ERBIN: variants seen among roughly 807,000 people sequenced by gnomAD.
The protein encoded by ERBIN is densin-180-like protein.
ERBIN carries 60 observed loss-of-function variants against 158.4 expected under a neutral mutation model. The ratio of observed to expected loss-of-function variants is 0.38; its 90% CI spans 0.31 to 0.47. The LOEUF (loss-of-function observed/expected upper bound fraction) is 0.47. ERBIN is among the 20% of genes least tolerant of loss of function. ERBIN has a pLI of 0.99. For synonymous variants in ERBIN, 594 were observed against 557.2 expected (o/e 1.07, Z -0.93); for missense variants, 1,610 against 1,648.0 (o/e 0.98, Z 0.40).
At chr5:65,955,989 TCA>T (rs1491222212) in intron 1 of ERBIN, among the ~76,000 whole-genome samples, 2 of 152,222 alleles carry the variant, frequency 1.3e-5, no homozygotes, top group Non-Finnish European at 2.9e-5. Flanking sequence ...AGTAGCTGTC[TCA>T]GTTATTAGAG....
At chr5:66,043,010 G>T in intron 15 of ERBIN, 67 bp from the exon 16 acceptor site, 2 of 1,214,154 alleles carry the variant, frequency 1.6e-6, no homozygotes, top group Non-Finnish European at 2.4e-6. Context: ...CAGAAATTAT[G>T]AGCAAGTGAT....
chr5:65,968,789 G>C (rs1748940077), intron 1 of ERBIN, among the ~76,000 whole-genome samples: 1 of 152,140 alleles, frequency 6.6e-6, no homozygotes, highest in Non-Finnish European at 1.5e-5. Flanking sequence ...CAAAACTCCA[G>C]ACCTCAGGTG....
At chr5:66,018,199 A>G (rs931260213) in intron 7 of ERBIN, among the ~76,000 whole-genome samples, 2 of 151,008 alleles carry the variant, frequency 1.3e-5, no homozygotes, top group East Asian at 3.9e-4. Flanking sequence ...GATTTTAAAA[A>G]TATTTCTGTT....
chr5:65,953,828 A>G (rs1243585954), intron 1 of ERBIN, among the ~76,000 whole-genome samples: 1 of 152,160 alleles, frequency 6.6e-6, no homozygotes, highest in Non-Finnish European at 1.5e-5. Flanking sequence ...CACATCTCAT[A>G]TTGCATATAA....
chr5:65,937,055 GACTT>G (rs1286330257), intron 1 of ERBIN, among the ~76,000 whole-genome samples: 1 of 152,122 alleles, frequency 6.6e-6, no homozygotes, highest in Non-Finnish European at 1.5e-5. Flanking sequence ...TTAAATCCAC[GACTT>G]ACTAATTATG....
chr5:66,040,844 TA>T lies in ERBIN; in HGVS notation c.1307-2222del, dbSNP rs113407985. 1.0e-2 allele frequency among the ~76,000 whole-genome samples: 1,161 copies of T among 116,460 alleles called. 4 individuals are homozygous for T. Among genetic ancestry groups the T allele is most frequent in the Non-Finnish European group, 0.017 (816 of 48,512 alleles). The allele number at this position is 116,460 out of a possible 152,430, so 76.4% of individuals were successfully genotyped here. On this transcript the variant is annotated intron_variant, in intron 15 of 25. Transcript: ENST00000284037. Reference sequence around the variant, plus strand: ...TTCAAGATTCTGAAGGTGGGAAGATTAAAAAAAAAAAGAGGAAAAAAAGAAA... The same window carrying T: ...TTCAAGATTCTGAAGGTGGGAAGATTAAAAAAAAAAGAGGAAAAAAAGAAA...
chr5:66,033,382 C>G (rs190979873), intron 14 of ERBIN, among the ~76,000 whole-genome samples: 25 of 152,172 alleles, frequency 1.6e-4, no homozygotes, highest in Middle Eastern at 3.4e-3. Flanking sequence ...GGAACCCCAA[C>G]ATTTAAATGG....
intron 4 of ERBIN, among the ~76,000 whole-genome samples, chr5:66,001,953 A>G (rs1230399561): frequency 1.3e-5 from 2 of 151,964 alleles, no homozygotes; most frequent in African/African-American, 4.8e-5. Context: ...TCCTAATGCT[A>G]TCCCTCCACT....
At chr5:66,065,329 A>T (rs1760864725) in intron 21 of ERBIN, among the ~76,000 whole-genome samples, 1 of 150,310 alleles carries the variant, frequency 6.7e-6, no homozygotes, top group Non-Finnish European at 1.5e-5. Context: ...TATTTCAAAG[A>T]GCAGCCCATT....
chr5:66,075,862 G>T (rs1271554181), intron 23 of ERBIN, among the ~76,000 whole-genome samples: 3 of 151,900 alleles, frequency 2.0e-5, no homozygotes, highest in African/African-American at 7.3e-5. Context: ...AAACAGATTT[G>T]ATAAATAAAG....
In ERBIN at chr5:66,053,839, A is replaced by G. The variant is rs1353309271; in HGVS notation, c.2521A>G (p.Ser841Gly). Reference sequence around the variant, plus strand: ...TCCTAATAGGACTGAACCACATGACAGTGATTGTTCTGTTGACTTAGGTAT... The same window carrying G: ...TCCTAATAGGACTGAACCACATGACGGTGATTGTTCTGTTGACTTAGGTAT... The part of the protein sequence containing the change: ...QSPNRTEPHD[S>G]DCSVDLGISK... The change falls in exon 21 of 26, where the codon AGT becomes GGT. Residue 841 changes from serine to glycine, a missense_variant. Transcript: ENST00000284037. The G allele has an allele frequency of 4.3e-6, 7 of 1,614,018 alleles. No individual in the cohort carries two copies. The African/African-American group carries it at 8.0e-5, about 18-fold the overall frequency.
At chr5:66,055,047 T>C in intron 21 of ERBIN, 96 bp downstream of exon 21, 1 of 1,436,120 alleles carries the variant, frequency 7.0e-7, no homozygotes, top group South Asian at 1.6e-5. Flanking sequence ...TGATTATCTC[T>C]TTATATTCTA....
chr5:66,006,200 G>C (rs914025495), intron 4 of ERBIN, among the ~76,000 whole-genome samples: 1 of 152,136 alleles, frequency 6.6e-6, no homozygotes, highest in African/African-American at 2.4e-5. Flanking sequence ...CAGAGATAAA[G>C]ACCAATGGAA....
chr5:65,996,076 T>C (rs1735753230), intron 4 of ERBIN, among the ~76,000 whole-genome samples: 2 of 152,124 alleles, frequency 1.3e-5, no homozygotes, highest in Admixed American at 1.3e-4. Context: ...CTTCACTCTG[T>C]TGTTTCTTTG....
chr5:65,987,762 T>C (rs1751420824), intron 1 of ERBIN, among the ~76,000 whole-genome samples: 1 of 151,682 alleles, frequency 6.6e-6, no homozygotes, highest in African/African-American at 2.4e-5. Context: ...GGAGAATCGC[T>C]TGAACCTAGG....
At chr5:66,044,334 C>A (rs967902462) in intron 17 of ERBIN, 24 bp downstream of exon 17, 5 of 1,562,812 alleles carry the variant, frequency 3.2e-6, no homozygotes, top group Non-Finnish European at 4.3e-6. Flanking sequence ...AAAGGATTAA[C>A]CAAAGCCTAT....
intron 21 of ERBIN, among the ~76,000 whole-genome samples, chr5:66,061,470 A>C (rs750800276): frequency 1.3e-5 from 2 of 152,174 alleles, no homozygotes; most frequent in South Asian, 2.1e-4. Context: ...TGAATACAGC[A>C]CACTGATGGG....
chr5:65,993,858 TTTG>T (rs1312267273), intron 3 of ERBIN, among the ~76,000 whole-genome samples: 1 of 152,224 alleles, frequency 6.6e-6, no homozygotes, highest in Non-Finnish European at 1.5e-5. Context: ...TAAAAAATTA[TTTG>T]TTGTTTGTCT....
Position 66,024,865 on chromosome 5 carries a change from A to G in ERBIN, c.817+415A>G, listed in dbSNP as rs558780108. On this transcript the variant is annotated intron_variant, in intron 10 of 25. Transcript: ENST00000284037. ...TAGTTGCTTGTTCAATGATATGTCA[A>G]TGGAATTGAATTATTTTGATGAAAG... Among the ~76,000 whole-genome samples the G allele has an allele frequency of 5.3e-5, 8 of 152,238 alleles. No homozygotes were observed. In the South Asian group the frequency reaches 1.0e-3, roughly 20 times the overall value.
Sources: allele counts gnomAD v4.1 joint callset (sites outside exome capture counted in the v4.1 genomes callset), GRCh38; gene constraint gnomAD v4.1.1; transcripts MANE v1.5; gene names NCBI Gene and HGNC (gene_info 2026-07-23, HGNC 2026-07-21).